Variants in PNKD observed in about 807,000 individuals in gnomAD.
PNKD encodes the protein PNKD metallo-beta-lactamase domain containing.
In PNKD, 36 loss-of-function variants were observed where a neutral mutation model predicts 45.3. The ratio of observed to expected loss-of-function variants is 0.80; its 90% CI spans 0.61 to 1.05. The LOEUF (loss-of-function observed/expected upper bound fraction) is 1.05. Among genes scored for constraint, PNKD ranks in the 50% least tolerant of loss-of-function variants. PNKD has a pLI of 0.00. For synonymous variants in PNKD, 197 were observed against 210.1 expected (o/e 0.94, Z 0.54); for missense variants, 511 against 506.6 (o/e 1.01, Z -0.08).
Position 218,287,571 on chromosome 2 carries a change from G to A in PNKD, c.236+16022G>A, listed in dbSNP as rs759081331. On this transcript the variant is annotated intron_variant, in intron 2 of 9. Coordinates refer to ENST00000273077, the MANE Select transcript of PNKD (RefSeq NM_015488.5). ...AAAAAATACAAAAAATTAGCTGGGC[G>A]TGATATCCCACACCTGAAGTCCCAG... 7.1e-4 allele frequency among the ~76,000 whole-genome samples: 108 copies of A among 152,134 alleles called. 1 individual carries two copies. The highest frequency in any genetic ancestry group is 2.2e-4 in the Non-Finnish European group (15 of 68,016).
chr2:218,296,618 C>T (rs1037609445), intron 2 of PNKD, among the ~76,000 whole-genome samples: 1 of 152,156 alleles, frequency 6.6e-6, no homozygotes, highest in African/African-American at 2.4e-5. Context: ...GTTACTCTAC[C>T]CATGCATTGA....
At chr2:218,271,314 GC>G (rs918561641) in intron 1 of PNKD, 66 bp from the exon 2 acceptor site, 2 of 1,382,534 alleles carry the variant, frequency 1.4e-6, no homozygotes. Flanking sequence ...AGCCCTTACT[GC>G]CCCCCACCTC....
At chr2:218,314,248 C>G (rs1693705161) in intron 2 of PNKD, among the ~76,000 whole-genome samples, 1 of 66,512 alleles carries the variant, frequency 1.5e-5, no homozygotes, top group South Asian at 4.3e-4. Flanking sequence ...TTTTTTGAGA[C>G]AGAGTCTCTG....
intron 2 of PNKD, among the ~76,000 whole-genome samples, chr2:218,288,189 G>C (rs992215224): frequency 1.3e-5 from 2 of 152,074 alleles, no homozygotes; most frequent in African/African-American, 4.8e-5. Flanking sequence ...AGCACTTTGG[G>C]AGGCCAAGGC....
At chr2:218,297,208 G>A (rs187873560) in intron 2 of PNKD, among the ~76,000 whole-genome samples, 1 of 152,364 alleles carries the variant, frequency 6.6e-6, no homozygotes, top group East Asian at 1.9e-4. Flanking sequence ...GATAAGGTAG[G>A]GGTGGGGTAT....
intron 2 of PNKD, chr2:218,279,544 C>A: frequency 1.8e-6 from 1 of 543,372 alleles, no homozygotes; most frequent in Non-Finnish European, 3.2e-6. Context: ...CCCATGCTCC[C>A]TGCCATCTCC....
intron 2 of PNKD, among the ~76,000 whole-genome samples, chr2:218,302,928 T>C (rs1418970179): frequency 6.6e-6 from 1 of 151,804 alleles, no homozygotes; most frequent in African/African-American, 2.4e-5. Flanking sequence ...GAGGTTTTTT[T>C]TCTGTTTGTT....
intron 7 of PNKD, 37 bp downstream of exon 7, chr2:218,342,181 A>C (rs199634984): frequency 1.3e-6 from 2 of 1,589,698 alleles, no homozygotes; most frequent in South Asian, 2.2e-5. Context: ...CTGGGAGAGG[A>C]GGGAGAGACA....
At chr2:218,272,516 T>A (rs1690884543) in intron 2 of PNKD, 8 of 1,587,928 alleles carry the variant, frequency 5.0e-6, no homozygotes, top group Middle Eastern at 2.1e-4. Flanking sequence ...CCCCAGCTCC[T>A]CTGGCTCAGG....
intron 2 of PNKD, among the ~76,000 whole-genome samples, chr2:218,314,024 C>T (rs1258009120): frequency 4.7e-5 from 7 of 148,956 alleles, no homozygotes; most frequent in Non-Finnish European, 5.9e-5. Flanking sequence ...CAGGTTCAAG[C>T]GATTCTTCTA....
chr2:218,272,480 G>A, intron 2 of PNKD: 2 of 1,199,860 alleles, frequency 1.7e-6, no homozygotes, highest in Non-Finnish European at 1.2e-6. Context: ...CAGCATTCAT[G>A]CAACTGATGA....
intron 8 of PNKD, 44 bp downstream of exon 8, chr2:218,343,630 C>T: frequency 6.9e-7 from 1 of 1,444,280 alleles, no homozygotes; most frequent in Non-Finnish European, 9.6e-7. Context: ...GCCCCACGCT[C>T]AGCCTGGGAC....
chr2:218,323,263 C>G (rs771185509), intron 2 of PNKD: 2 of 1,520,280 alleles, frequency 1.3e-6, no homozygotes, highest in South Asian at 1.2e-5. Flanking sequence ...GTGCCTGCCC[C>G]CAGCATGGCT....
chr2:218,322,283 C>T (rs977935118), intron 2 of PNKD, among the ~76,000 whole-genome samples: 1 of 152,184 alleles, frequency 6.6e-6, no homozygotes, highest in Non-Finnish European at 1.5e-5. Flanking sequence ...AGGGCTGGAG[C>T]CAAAACAAGC....
At chr2:218,310,592 C>CCT (rs545002076) in intron 2 of PNKD, among the ~76,000 whole-genome samples, 1 of 115,768 alleles carries the variant, frequency 8.6e-6, no homozygotes, top group African/African-American at 3.4e-5. Context: ...TGCTTTATTG[C>CCT]TTTTTTTTTT....
chr2:218,341,726 T>C, intron 6 of PNKD, 100 bp downstream of exon 6: 1 of 948,780 alleles, frequency 1.1e-6, no homozygotes, highest in Admixed American at 2.0e-5. Context: ...AGGTGGATCT[T>C]TGCCAGTGCC....
chr2:218,282,559 C>T, intron 2 of PNKD, among the ~76,000 whole-genome samples: 1 of 152,238 alleles, frequency 6.6e-6, no homozygotes, highest in East Asian at 1.9e-4. Flanking sequence ...ATGGGCCAGG[C>T]ACAGCCTCCT....
intron 2 of PNKD, chr2:218,275,749 A>C (rs999914857): frequency 2.3e-5 from 27 of 1,169,508 alleles, no homozygotes; most frequent in Non-Finnish European, 3.2e-5. Context: ...CGCACAGCAT[A>C]ACATATGGGC....
In PNKD at chr2:218,271,459, G is replaced by A; in HGVS notation, c.146G>A (p.Gly49Asp). The A allele has an allele frequency of 1.9e-6, 3 of 1,614,098 alleles. No individual in the cohort carries two copies. In the East Asian group the frequency reaches 6.7e-5, roughly 36 times the overall value. ...RALQSHSSPE[G>D]KEEPEPLSPE... ...CTGCAAAGCCACAGCTCCCCAGAGGGCAAGGAGGAACCTGAACCCCTATCC... is the reference window on the plus strand; with the variant it reads ...CTGCAAAGCCACAGCTCCCCAGAGGACAAGGAGGAACCTGAACCCCTATCC... The change falls in exon 2 of 10, where the codon GGC (glycine) becomes GAC (aspartate). Residue 49 changes from glycine (G) to aspartate (D), a missense_variant. Physicochemically the swap from Gly to Asp is moderately conservative, Grantham distance 94. Transcript: ENST00000273077.
Sources: allele counts gnomAD v4.1 joint callset (sites outside exome capture counted in the v4.1 genomes callset), GRCh38; gene constraint gnomAD v4.1.1; transcripts MANE v1.5; gene names NCBI Gene and HGNC (gene_info 2026-07-23, HGNC 2026-07-21).